Variants in TNRC6B observed in about 807,000 individuals in gnomAD.
TNRC6B encodes the protein trinucleotide repeat containing adaptor 6B.
Under a neutral mutation model 203.6 loss-of-function variants are expected in TNRC6B, and 52 were observed. The ratio of observed to expected loss-of-function variants is 0.26; its 90% CI spans 0.20 to 0.32. The LOEUF is 0.32. TNRC6B is among the 10% of genes least tolerant of loss of function. The pLI, the probability that TNRC6B is intolerant of heterozygous loss-of-function variation, is 1.00. For missense variants in TNRC6B, 1,923 were observed against 2,286.2 expected (o/e 0.84, Z 3.24); for synonymous variants, 838 against 845.7 (o/e 0.99, Z 0.16).
At chr22:40,236,490 C>T (rs531693458) in intron 1 of TNRC6B, among the ~76,000 whole-genome samples, 1 of 152,082 alleles carries the variant, frequency 6.6e-6, no homozygotes, top group Non-Finnish European at 1.5e-5. Context: ...TGGCATAGTT[C>T]CCGTGTTGGG....
At chr22:40,076,952 G>T (rs144763876) in intron 1 of TNRC6B, among the ~76,000 whole-genome samples, 1 of 151,228 alleles carries the variant, frequency 6.6e-6, no homozygotes, top group Admixed American at 6.6e-5. Flanking sequence ...TTCAGCCCAG[G>T]AATTTGAGAC....
chr22:40,316,473 C>G (rs1481359003), intron 21 of TNRC6B, among the ~76,000 whole-genome samples: 3 of 151,924 alleles, frequency 2.0e-5, no homozygotes, highest in African/African-American at 7.3e-5. Flanking sequence ...TGAAATCAGT[C>G]CAAGCAATAT....
chr22:40,089,486 G>A (rs984780156), intron 1 of TNRC6B, among the ~76,000 whole-genome samples: 1 of 152,052 alleles, frequency 6.6e-6, no homozygotes. Context: ...ACCCGCCTCA[G>A]CCTCCTAAAT....
chr22:40,317,801 G>A (rs62239069), intron 21 of TNRC6B, among the ~76,000 whole-genome samples: 14,741 of 152,216 alleles, frequency 0.097, 916 homozygotes, highest in South Asian at 0.15. Flanking sequence ...GAGGTTAAAT[G>A]GGCTCATCAA....
At chr22:40,137,457 G>C (rs908890432) in intron 3 of TNRC6B, among the ~76,000 whole-genome samples, 1 of 152,180 alleles carries the variant, frequency 6.6e-6, no homozygotes. Flanking sequence ...TACTGGAAAA[G>C]TCAGTTTATA....
rs1202160293 is a variant in TNRC6B at position 40,333,508 on chromosome 22, C to T, written c.*10267C>T. 1 of 152,600 alleles carries T rather than the reference C, an allele frequency of 6.6e-6. No homozygotes were observed. The highest frequency in any genetic ancestry group is 1.5e-5 in the Non-Finnish European group (1 of 68,058). The allele number at this position is 152,600 out of a possible 1,614,324, so 9.5% of individuals were successfully genotyped here. A position where few individuals can be genotyped will look rare whatever the true frequency, so the allele number is the denominator to read the frequency against. On this transcript the variant is annotated 3_prime_UTR_variant, in exon 23 of 23. Transcript: ENST00000454349. ...TGTTCTCCACACAATACCTGGAGCT[C>T]TCAACCTTTCTTGGTTCAGACACAC...
intron 4 of TNRC6B, among the ~76,000 whole-genome samples, chr22:40,168,959 A>G (rs949757153): frequency 1.1e-4 from 17 of 152,240 alleles, no homozygotes; most frequent in African/African-American, 4.1e-4. Context: ...ATACTTTGCT[A>G]TATTTTAATT....
At position 40,232,092 on chromosome 22, in the gene TNRC6B, C is replaced by CA. The variant is rs1479023971; in HGVS notation, c.6-13922dup. 2.6e-5 allele frequency among the ~76,000 whole-genome samples: 4 copies of CA among 152,270 alleles called. No homozygotes were observed. In the East Asian group the frequency reaches 5.8e-4, roughly 22 times the overall value. On this transcript the variant is annotated intron_variant, in intron 1 of 22. Transcript: ENST00000454349. ...GGCACTGACGGTATTAATAGAGATA[C>CA]ATAATTACTCAGTCATGGAAAAGTG...
chr22:40,279,447 G>C (rs1264616741), intron 9 of TNRC6B, among the ~76,000 whole-genome samples: 1 of 152,178 alleles, frequency 6.6e-6, no homozygotes, highest in African/African-American at 2.4e-5. Context: ...TATGGCACCT[G>C]GGAAATTGCA....
At chr22:40,094,529 A>T (rs2068173133) in intron 1 of TNRC6B, among the ~76,000 whole-genome samples, 1 of 152,214 alleles carries the variant, frequency 6.6e-6, no homozygotes, top group Non-Finnish European at 1.5e-5. Flanking sequence ...TGAAGCCCAG[A>T]ATTTAAATGT....
intron 1 of TNRC6B, among the ~76,000 whole-genome samples, chr22:40,082,036 A>C (rs2146289886): frequency 6.6e-6 from 1 of 152,282 alleles, no homozygotes; most frequent in African/African-American, 2.4e-5. Flanking sequence ...CTGGGTGTAT[A>C]TATAATGAGA....
At chr22:40,225,999 TA>T (rs2146442857) in intron 1 of TNRC6B, among the ~76,000 whole-genome samples, 1 of 152,344 alleles carries the variant, frequency 6.6e-6, no homozygotes, top group East Asian at 1.9e-4. Context: ...ATGCTGTATG[TA>T]AATCACTTTT....
At chr22:40,267,634 G>T (rs1043371833) in intron 5 of TNRC6B, among the ~76,000 whole-genome samples, 22 of 152,194 alleles carry the variant, frequency 1.4e-4, no homozygotes, top group African/African-American at 5.1e-4. Flanking sequence ...GGAGACTAGG[G>T]CAGGAGGATC....
chr22:40,065,058 G>A (rs189078196), intron 1 of TNRC6B, among the ~76,000 whole-genome samples: 119 of 151,906 alleles, frequency 7.8e-4, no homozygotes, highest in Non-Finnish European at 1.3e-3. Flanking sequence ...TTTCTAATGA[G>A]GGTAATACTG....
intron 12 of TNRC6B, among the ~76,000 whole-genome samples, chr22:40,292,660 T>C (rs980982636): frequency 6.6e-6 from 1 of 152,236 alleles, no homozygotes; most frequent in South Asian, 2.1e-4. Flanking sequence ...ACCACCGTGA[T>C]TCCTCTGCAG....
chr22:40,280,249 A>T, intron 10 of TNRC6B, 106 bp downstream of exon 10: 1 of 1,158,662 alleles, frequency 8.6e-7, no homozygotes, highest in South Asian at 1.5e-5. Context: ...ACTGAACTAG[A>T]TGAGCAAAAC....
At chr22:40,250,454 A>C (rs2070175596) in intron 2 of TNRC6B, among the ~76,000 whole-genome samples, 1 of 151,920 alleles carries the variant, frequency 6.6e-6, no homozygotes, top group African/African-American at 2.4e-5. Flanking sequence ...CTATATAAAG[A>C]AATACTTTCT....
Position 40,312,592 on chromosome 22 carries a change from G to C in TNRC6B, c.4523G>C (p.Gly1508Ala). The change falls in exon 18 of 23, where the codon GGT (glycine) becomes GCT (alanine). Residue 1508 changes from glycine (G) to alanine (A), a missense_variant. Physicochemically the swap from Gly to Ala is moderately conservative, Grantham distance 60 (BLOSUM62 0). Coordinates refer to ENST00000454349, the MANE Select transcript of TNRC6B (RefSeq NM_001162501.2). The part of the protein sequence containing the change: ...PYVTPGSVLG[G>A]TATSPIVDTD... ...GTCACCCCAGGAAGTGTGCTGGGGG[G>C]TACAGCCACATCTCCCATTGTAGAT... 1.2e-6 allele frequency: 2 copies of C among 1,613,970 alleles called. No individual in the cohort carries two copies. Among genetic ancestry groups the C allele is most frequent in the East Asian group, 2.2e-5 (1 of 44,876 alleles).
chr22:40,116,796 G>A (rs2068391556), intron 1 of TNRC6B, among the ~76,000 whole-genome samples: 1 of 152,132 alleles, frequency 6.6e-6, no homozygotes, highest in Admixed American at 6.5e-5. Context: ...CCTTTATTGA[G>A]CATGTGTTTG....
Sources: allele counts gnomAD v4.1 joint callset (sites outside exome capture counted in the v4.1 genomes callset), GRCh38; gene constraint gnomAD v4.1.1; transcripts MANE v1.5; gene names NCBI Gene and HGNC (gene_info 2026-07-23, HGNC 2026-07-21).